KSR2: variants seen among roughly 807,000 people sequenced by gnomAD.
The protein encoded by KSR2 is kinase suppressor of ras 2.
Under a neutral mutation model 107.8 loss-of-function variants are expected in KSR2, and 25 were observed. That is an observed-to-expected ratio of 0.23 (90% confidence interval 0.17 to 0.32). The LOEUF is 0.32. Ranked by LOEUF, KSR2 falls within the 10% of genes least tolerant of loss-of-function variation. The pLI is 1.00. For missense variants in KSR2, 887 were observed against 1,268.9 expected (o/e 0.70, Z 4.57); for synonymous variants, 480 against 507.0 (o/e 0.95, Z 0.71).
At chr12:117,583,235 A>G in intron 5 of KSR2, among the ~76,000 whole-genome samples, 1 of 143,312 alleles carries the variant, frequency 7.0e-6, no homozygotes, top group South Asian at 2.3e-4. Flanking sequence ...ACGGGTGGGT[A>G]GATGGAGAGG....
intron 3 of KSR2, among the ~76,000 whole-genome samples, chr12:117,852,835 G>T (rs570424481): frequency 6.6e-6 from 1 of 151,874 alleles, no homozygotes; most frequent in Non-Finnish European, 1.5e-5. Context: ...ATGGAGTCTC[G>T]CTGTCACCCA....
At chr12:117,516,311 G>T (rs1043151038) in intron 14 of KSR2, among the ~76,000 whole-genome samples, 2 of 152,102 alleles carry the variant, frequency 1.3e-5, no homozygotes, top group Non-Finnish European at 2.9e-5. Context: ...CCTCTGGATG[G>T]CTCAAAGCTT....
At chr12:117,915,508 C>T (rs1280372890) in intron 1 of KSR2, among the ~76,000 whole-genome samples, 2 of 152,202 alleles carry the variant, frequency 1.3e-5, no homozygotes, top group Non-Finnish European at 2.9e-5. Flanking sequence ...ACAGTCCATT[C>T]GTTCCTTTAA....
Position 117,484,976 on chromosome 12 carries a change from G to A in KSR2, c.2317-427C>T, listed in dbSNP as rs1592917713. Among the ~76,000 whole-genome samples, 3 of 152,162 alleles carry A rather than the reference G, an allele frequency of 2.0e-5. No individual in the cohort carries two copies. In the East Asian group the frequency reaches 5.8e-4, roughly 29 times the overall value. On this transcript the variant is annotated intron_variant, in intron 15 of 19. Coordinates refer to ENST00000339824, the MANE Select transcript of KSR2 (RefSeq NM_173598.6). ...AGTTCCTAAAGAGATGTTCACAACTGCTCATTAAGAACACACAGAAGAGTC... is the reference window on the plus strand; with the variant it reads ...AGTTCCTAAAGAGATGTTCACAACTACTCATTAAGAACACACAGAAGAGTC...
intron 16 of KSR2, among the ~76,000 whole-genome samples, chr12:117,480,351 C>G (rs530178646): frequency 3.2e-4 from 49 of 152,266 alleles, no homozygotes; most frequent in Middle Eastern, 3.4e-3. Context: ...GGCTGGGAGA[C>G]AGGCCTGGCA....
intron 9 of KSR2, among the ~76,000 whole-genome samples, chr12:117,550,305 T>C (rs1877200079): frequency 6.6e-6 from 1 of 152,166 alleles, no homozygotes; most frequent in African/African-American, 2.4e-5. Flanking sequence ...GAAACTCAAA[T>C]AGAAGCACGT....
chr12:117,698,259 C>T (rs1886153468), intron 4 of KSR2, among the ~76,000 whole-genome samples: 1 of 152,096 alleles, frequency 6.6e-6, no homozygotes, highest in African/African-American at 2.4e-5. Context: ...TCTCCTTGGT[C>T]TCTTCCTCTC....
chr12:117,474,848 A>AC (rs1286015646), intron 17 of KSR2, among the ~76,000 whole-genome samples: 6 of 152,130 alleles, frequency 3.9e-5, no homozygotes, highest in Non-Finnish European at 7.4e-5. Flanking sequence ...GCTCAAACTC[A>AC]CTGTGTCTAA....
At chr12:117,831,541 T>G (rs185271835) in intron 3 of KSR2, among the ~76,000 whole-genome samples, 1 of 152,196 alleles carries the variant, frequency 6.6e-6, no homozygotes, top group Non-Finnish European at 1.5e-5. Flanking sequence ...GAAAAATCCT[T>G]GCAAGACTGC....
At chr12:117,816,467 A>G (rs1023274633) in intron 3 of KSR2, among the ~76,000 whole-genome samples, 1 of 152,212 alleles carries the variant, frequency 6.6e-6, no homozygotes, top group South Asian at 2.1e-4. Flanking sequence ...GTTACTGTTT[A>G]ACACCACAAA....
intron 1 of KSR2, among the ~76,000 whole-genome samples, chr12:117,865,787 C>A (rs1893446666): frequency 6.6e-6 from 1 of 152,166 alleles, no homozygotes; most frequent in South Asian, 2.1e-4. Flanking sequence ...ACCAGTGGAA[C>A]CATGGTACTA....
chr12:117,695,066 G>T lies in KSR2; in HGVS notation c.987-27408C>A, dbSNP rs151172399. Among the ~76,000 whole-genome samples the T allele has an allele frequency of 1.8e-3, 270 of 152,086 alleles. 3 individuals carry two copies. Among genetic ancestry groups the T allele is most frequent in the East Asian group, 0.017 (85 of 5,144 alleles). On this transcript the variant is annotated intron_variant, in intron 4 of 19. Transcript: ENST00000339824. ...GGGTTTCACCATGTTGGCCAGGATG[G>T]TCTCAATTTCTTGACCTTGTGATCT... is the stretch of plus-strand genomic sequence containing the variant.
chr12:117,532,485 A>G (rs772078466), intron 10 of KSR2, among the ~76,000 whole-genome samples: 1 of 152,222 alleles, frequency 6.6e-6, no homozygotes, highest in Non-Finnish European at 1.5e-5. Flanking sequence ...CTCAAGATCC[A>G]TAACTTAATC....
At chr12:117,576,554 G>A (rs141127529) in intron 7 of KSR2, among the ~76,000 whole-genome samples, 103 of 152,234 alleles carry the variant, frequency 6.8e-4, no homozygotes, top group Non-Finnish European at 1.1e-3. Flanking sequence ...CTGGAGTGCA[G>A]TGGTGCAATC....
chr12:117,651,946 G>A (rs1883922167), intron 5 of KSR2, among the ~76,000 whole-genome samples: 2 of 152,134 alleles, frequency 1.3e-5, no homozygotes, highest in African/African-American at 4.8e-5. Context: ...AGGTGGCAAG[G>A]GCCAAGTGGC....
At chr12:117,866,737 G>A (rs1314220022) in intron 1 of KSR2, among the ~76,000 whole-genome samples, 2 of 152,088 alleles carry the variant, frequency 1.3e-5, no homozygotes, top group African/African-American at 2.4e-5. Flanking sequence ...GCTGAGGCAC[G>A]AGAATCGCTT....
intron 4 of KSR2, among the ~76,000 whole-genome samples, chr12:117,672,248 T>G (rs1884942385): frequency 6.6e-6 from 1 of 152,350 alleles, no homozygotes; most frequent in Non-Finnish European, 1.5e-5. Flanking sequence ...TCCTAATGAC[T>G]GTGACTGTGT....
chr12:117,558,461 C>T, intron 8 of KSR2, 45 bp downstream of exon 8: 1 of 1,533,916 alleles, frequency 6.5e-7, no homozygotes, highest in Non-Finnish European at 9.0e-7. Flanking sequence ...CTGCAGGAGC[C>T]CCACCTCACC....
chr12:117,620,621 G>T (rs905266233), intron 5 of KSR2, among the ~76,000 whole-genome samples: 5 of 152,172 alleles, frequency 3.3e-5, no homozygotes, highest in Non-Finnish European at 7.3e-5. Flanking sequence ...TCTGTGCCCT[G>T]ATAGAGATGA....
Sources: allele counts gnomAD v4.1 joint callset (sites outside exome capture counted in the v4.1 genomes callset), GRCh38; gene constraint gnomAD v4.1.1; transcripts MANE v1.5; gene names NCBI Gene and HGNC (gene_info 2026-07-23, HGNC 2026-07-21).